Variants in ZSWIM6 observed in about 807,000 individuals in gnomAD.
ZSWIM6 encodes the protein zinc finger SWIM domain-containing protein 6.
ZSWIM6 carries 9 observed loss-of-function variants against 113.2 expected under a neutral mutation model. The ratio of observed to expected loss-of-function variants is 0.08; its 90% CI spans 0.05 to 0.14. The LOEUF is 0.14. Ranked by LOEUF, ZSWIM6 falls within the 10% of genes least tolerant of loss-of-function variation. The probability of loss-of-function intolerance (pLI) is 1.00; values close to 1 mark genes in which losing one functional copy is unlikely to be tolerated. For synonymous variants in ZSWIM6, 611 were observed against 606.5 expected, an observed-to-expected ratio of 1.01 and a Z score of -0.11; for missense variants, 1,162 against 1,552.2, an observed-to-expected ratio of 0.75 and a Z score of 4.22.
intron 1 of ZSWIM6, among the ~76,000 whole-genome samples, chr5:61,443,767 T>C (rs1289250595): frequency 6.6e-6 from 1 of 152,158 alleles, no homozygotes; most frequent in African/African-American, 2.4e-5. Flanking sequence ...TTCCTACATT[T>C]TTTCCCTGCA....
chr5:61,516,078 A>G (rs1449344812), intron 4 of ZSWIM6, among the ~76,000 whole-genome samples: 1 of 151,862 alleles, frequency 6.6e-6, no homozygotes, highest in Non-Finnish European at 1.5e-5. Context: ...TATACACAGT[A>G]TAAGAAAGAT....
chr5:61,529,430 G>C (rs1749373149), intron 7 of ZSWIM6, among the ~76,000 whole-genome samples: 1 of 152,152 alleles, frequency 6.6e-6, no homozygotes, highest in Admixed American at 6.5e-5. Context: ...TTATGGCAAA[G>C]GTTCTCTCTT....
chr5:61,338,821 A>G (rs867416420), intron 1 of ZSWIM6, among the ~76,000 whole-genome samples: 4 of 152,236 alleles, frequency 2.6e-5, no homozygotes, highest in Admixed American at 6.5e-5. Flanking sequence ...TCCACTTTGC[A>G]TTGAGTTTCA....
At chr5:61,405,473 T>C (rs1746024308) in intron 1 of ZSWIM6, among the ~76,000 whole-genome samples, 1 of 152,192 alleles carries the variant, frequency 6.6e-6, no homozygotes, top group South Asian at 2.1e-4. Context: ...GAGAGGCTAA[T>C]AGACTTTATG....
At chr5:61,350,750 A>G (rs546548513) in intron 1 of ZSWIM6, among the ~76,000 whole-genome samples, 12 of 152,166 alleles carry the variant, frequency 7.9e-5, no homozygotes, top group Non-Finnish European at 1.5e-4. Flanking sequence ...TTGTCTTACT[A>G]TCCGTGTGCC....
intron 3 of ZSWIM6, among the ~76,000 whole-genome samples, chr5:61,491,813 G>GAT (rs34878285): frequency 0.011 from 1,717 of 150,192 alleles, 24 homozygotes; most frequent in African/African-American, 0.038. Flanking sequence ...ATAATTAAAA[G>GAT]TTTTTTTTTT....
intron 4 of ZSWIM6, among the ~76,000 whole-genome samples, chr5:61,513,719 G>GA (rs1412541227): frequency 6.6e-6 from 1 of 151,886 alleles, no homozygotes; most frequent in African/African-American, 2.4e-5. Flanking sequence ...ACCAGTTGTT[G>GA]AAAAAACTTA....
chr5:61,375,231 C>T, intron 1 of ZSWIM6: 2 of 1,612,962 alleles, frequency 1.2e-6, no homozygotes, highest in Non-Finnish European at 1.7e-6. Context: ...CAAGGCCTAC[C>T]TGGGAAGAAG....
chr5:61,337,138 A>G (rs190746967), intron 1 of ZSWIM6, among the ~76,000 whole-genome samples: 24 of 152,172 alleles, frequency 1.6e-4, no homozygotes, highest in African/African-American at 5.8e-4. Context: ...AAAATTAGCC[A>G]GAGCGGTTGC....
intron 12 of ZSWIM6, among the ~76,000 whole-genome samples, chr5:61,540,916 G>GTTTTTTTTTTTT (rs34749703): frequency 5.3e-5 from 5 of 94,570 alleles, no homozygotes; most frequent in South Asian, 3.7e-4. Flanking sequence ...TATTTTGTGG[G>GTTTTTTTTTTTT]TTTTTTTTTT....
At chr5:61,335,508 A>G (rs1579936590) in intron 1 of ZSWIM6, among the ~76,000 whole-genome samples, 1 of 152,234 alleles carries the variant, frequency 6.6e-6, no homozygotes, top group East Asian at 1.9e-4. Context: ...AGCTTCAAGT[A>G]GTGGTTTGAA....
chr5:61,342,464 C>T (rs74540383), intron 1 of ZSWIM6, among the ~76,000 whole-genome samples: 181 of 152,056 alleles, frequency 1.2e-3, no homozygotes, highest in African/African-American at 3.8e-3. Context: ...ATGAGGAAAC[C>T]GAAACACAGG....
chr5:61,464,712 G>A (rs1258094360), intron 1 of ZSWIM6, among the ~76,000 whole-genome samples: 1 of 152,084 alleles, frequency 6.6e-6, no homozygotes, highest in East Asian at 1.9e-4. Context: ...TCTTGGCCCT[G>A]GTAAACAGAA....
intron 1 of ZSWIM6, among the ~76,000 whole-genome samples, chr5:61,372,140 G>A (rs1327257111): frequency 6.6e-6 from 1 of 151,514 alleles, no homozygotes; most frequent in Non-Finnish European, 1.5e-5. Context: ...TAATTTTGGG[G>A]CATTATTGAA....
chr5:61,516,133 A>G (rs145919109), intron 4 of ZSWIM6, among the ~76,000 whole-genome samples: 5 of 151,550 alleles, frequency 3.3e-5, no homozygotes, highest in South Asian at 2.1e-4. Context: ...CTTTTAATTT[A>G]TATGTTTAGA....
In ZSWIM6 at chr5:61,528,406, A is replaced by G. The variant is rs147848106; in HGVS notation, c.1838-1646A>G. ...CATACACATATATATACATATATAT[A>G]TGTGTGTGTATATGTATATATGCAA... On this transcript the variant is annotated intron_variant, in intron 7 of 13. Transcript: ENST00000252744. Among the ~76,000 whole-genome samples, 510 of 152,068 alleles carry G rather than the reference A, an allele frequency of 3.4e-3. 7 individuals carry two copies. Among genetic ancestry groups the G allele is most frequent in the African/African-American group, 0.012 (483 of 41,476 alleles).
intron 7 of ZSWIM6, 57 bp downstream of exon 7, chr5:61,526,453 A>G: frequency 6.5e-7 from 1 of 1,541,552 alleles, no homozygotes; most frequent in South Asian, 1.2e-5. Flanking sequence ...TGACATTACT[A>G]GGTTTTGTGT....
chr5:61,333,499 G>C (rs976593894), intron 1 of ZSWIM6, among the ~76,000 whole-genome samples: 1 of 151,966 alleles, frequency 6.6e-6, no homozygotes, highest in Non-Finnish European at 1.5e-5. Flanking sequence ...AAAGCCGCTC[G>C]GCCGCCGCTC....
At chr5:61,435,416 C>T (rs1746685267) in intron 1 of ZSWIM6, among the ~76,000 whole-genome samples, 1 of 152,112 alleles carries the variant, frequency 6.6e-6, no homozygotes, top group African/African-American at 2.4e-5. Flanking sequence ...GGGCTGGGAA[C>T]CATCCAAATG....
Sources: allele counts gnomAD v4.1 joint callset (sites outside exome capture counted in the v4.1 genomes callset), GRCh38; gene constraint gnomAD v4.1.1; transcripts MANE v1.5; gene names NCBI Gene and HGNC (gene_info 2026-07-23, HGNC 2026-07-21).